The following OOSP4A variants were observed in gnomAD, a reference collection of about 807,000 sequenced individuals.
The protein encoded by OOSP4A is oocyte-secreted protein 4A.
downstream of OOSP4A, among the ~76,000 whole-genome samples, chr11:59,970,326 A>C (rs1013692864): frequency 2.6e-5 from 4 of 152,182 alleles, no homozygotes; most frequent in African/African-American, 9.6e-5. Flanking sequence ...ACTTGTAATA[A>C]AGGTATTCTT....
chr11:59,964,289 A>T (rs1283962612), intron 1 of OOSP4A, among the ~76,000 whole-genome samples, 190 bp downstream of exon 1: 1 of 150,722 alleles, frequency 6.6e-6, no homozygotes, highest in Non-Finnish European at 1.5e-5. Context: ...TTCCTCTTGA[A>T]TTTTTCCTCT....
chr11:59,967,505 T>C (rs1272466512), intron 3 of OOSP4A, among the ~76,000 whole-genome samples: 2 of 152,112 alleles, frequency 1.3e-5, no homozygotes, highest in African/African-American at 2.4e-5. Flanking sequence ...TAGGAGTTCT[T>C]AAGTTTTTGT....
At chr11:59,967,487 G>A (rs546744745) in intron 3 of OOSP4A, among the ~76,000 whole-genome samples, 5 of 152,012 alleles carry the variant, frequency 3.3e-5, no homozygotes, top group Non-Finnish European at 7.4e-5. Context: ...TCTCATCCAT[G>A]GCTATTATAG....
In OOSP4A at chr11:59,969,293, AT is replaced by A. The variant is rs1590565381; in HGVS notation, c.479+13del. 1 of 398,384 alleles carries A rather than the reference AT, an allele frequency of 2.5e-6. No individual in the cohort carries two copies. The highest frequency in any genetic ancestry group is 3.6e-5 in the East Asian group (1 of 28,060). 24.7% of individuals were successfully genotyped at this position (398,384 alleles called of 1,614,324 possible). ...CCAAGAGTGTCCTATGTGTAAGAGT[AT>A]TTTGAATTAGTACCATAAATGTTTA... On this transcript the variant is annotated intron_variant, in intron 4 of 4. Transcript: ENST00000645590.
chr11:59,970,077 A>G, exon 5 of OOSP4A: 1 of 398,154 alleles, frequency 2.5e-6, no homozygotes, highest in Non-Finnish European at 4.4e-6. Context: ...GAGCTACCTC[A>G]TTGTATCCCT....
At chr11:59,964,368 T>C (rs945760287) in intron 1 of OOSP4A, among the ~76,000 whole-genome samples, 1 of 152,116 alleles carries the variant, frequency 6.6e-6, no homozygotes, top group African/African-American at 2.4e-5. Context: ...GTTCTTTCTC[T>C]GCTGGAGACT....
At chr11:59,970,061 C>T in exon 5 of OOSP4A, 1 of 398,120 alleles carries the variant, frequency 2.5e-6, no homozygotes, top group Middle Eastern at 6.3e-4. Flanking sequence ...ACAGTGTTCC[C>T]TTGTTGAGCT....
intron 1 of OOSP4A, among the ~76,000 whole-genome samples, chr11:59,965,088 C>T (rs933817543): frequency 3.0e-5 from 4 of 132,954 alleles, no homozygotes; most frequent in African/African-American, 1.2e-4. Flanking sequence ...GGGAATTGAA[C>T]AATGAGAACA....
intron 1 of OOSP4A, among the ~76,000 whole-genome samples, chr11:59,964,796 C>T (rs1273265409): frequency 1.3e-5 from 2 of 151,958 alleles, no homozygotes; most frequent in African/African-American, 2.4e-5. Context: ...TATTTATTGG[C>T]TCAGATATTT....
intron 3 of OOSP4A, among the ~76,000 whole-genome samples, 190 bp from the exon 4 acceptor site, chr11:59,968,960 C>T (rs1157151577): frequency 2.6e-5 from 4 of 152,138 alleles, no homozygotes; most frequent in Non-Finnish European, 4.4e-5. Flanking sequence ...CGTATGCAAC[C>T]ATCTGTGAAT....
chr11:59,965,060 A>G lies in OOSP4A; in HGVS notation c.68-475A>G, dbSNP rs562544311. On this transcript the variant is annotated intron_variant, in intron 1 of 4. Coordinates refer to ENST00000645590, the Ensembl canonical transcript of OOSP4A. ...GCAAGGACAAAAATCCAAACACTGCATGTTCTCACTCATAGGTGGGAATTG... is the reference window on the plus strand; with the variant it reads ...GCAAGGACAAAAATCCAAACACTGCGTGTTCTCACTCATAGGTGGGAATTG... 8.2e-5 allele frequency among the ~76,000 whole-genome samples: 12 copies of G among 146,344 alleles called. No homozygotes were observed. In the South Asian group the frequency reaches 2.4e-3, roughly 29 times the overall value.
At chr11:59,969,357 G>A in intron 4 of OOSP4A, 73 bp downstream of exon 4, 1 of 397,164 alleles carries the variant, frequency 2.5e-6, no homozygotes, top group South Asian at 1.3e-4. Context: ...GTTTAGTAAG[G>A]TGGTGGCATA....
At chr11:59,969,185 A>G (rs930034559) in exon 4 of OOSP4A, 1 of 398,738 alleles carries the variant, frequency 2.5e-6, no homozygotes, top group South Asian at 1.3e-4. Context: ...AGAGGGAGAG[A>G]GAATGATAGC....
Position 59,965,131 on chromosome 11 carries a change from G to A in OOSP4A, c.68-404G>A, listed in dbSNP as rs954704305. Among the ~76,000 whole-genome samples the A allele has an allele frequency of 1.2e-4, 16 of 134,654 alleles. 1 individual carries two copies. The South Asian group carries it at 4.1e-3, about 34-fold the overall frequency. The allele number at this position is 134,654 out of a possible 152,430, so 88.3% of individuals were successfully genotyped here. On this transcript the variant is annotated intron_variant, in intron 1 of 4. Coordinates refer to ENST00000645590, the Ensembl canonical transcript of OOSP4A. ...ACAGGAAGGGGAACATCACACACCG[G>A]GGCCTGTTGTGGGGTGGGGGAGGGG...
intron 3 of OOSP4A, among the ~76,000 whole-genome samples, chr11:59,968,477 T>G (rs1243881554): frequency 1.3e-5 from 2 of 152,238 alleles, no homozygotes; most frequent in Non-Finnish European, 2.9e-5. Context: ...CTTGACTTCT[T>G]GAGGTCCCCT....
intron 2 of OOSP4A, among the ~76,000 whole-genome samples, chr11:59,966,167 C>CTTT (rs112146765): frequency 3.6e-5 from 5 of 139,746 alleles, no homozygotes; most frequent in African/African-American, 1.3e-4. Flanking sequence ...CACCAGAAAA[C>CTTT]TTTTTTTTTT....
At chr11:59,967,033 T>C (rs1160277997) in intron 2 of OOSP4A, 34 bp from the exon 3 acceptor site, 2 of 397,392 alleles carry the variant, frequency 5.0e-6, no homozygotes, top group Non-Finnish European at 8.9e-6. Context: ...GAAAGAGATA[T>C]AATTAAGATA....
At chr11:59,969,427 A>C (rs143061032) in intron 4 of OOSP4A, 143 bp downstream of exon 4, 2 of 395,424 alleles carry the variant, frequency 5.1e-6, no homozygotes, top group African/African-American at 2.1e-5. Flanking sequence ...GGAATACTGC[A>C]TTTTTTATGT....
At chr11:59,964,728 A>T (rs771677231) in intron 1 of OOSP4A, among the ~76,000 whole-genome samples, 1 of 152,192 alleles carries the variant, frequency 6.6e-6, no homozygotes, top group South Asian at 2.1e-4. Flanking sequence ...CAAAATTATC[A>T]TCGGAGTAAC....
Sources: allele counts gnomAD v4.1 joint callset (sites outside exome capture counted in the v4.1 genomes callset), GRCh38; gene constraint gnomAD v4.1.1; transcripts MANE v1.5; gene names NCBI Gene and HGNC (gene_info 2026-07-23, HGNC 2026-07-21).